The following DCLK2 variants were observed in gnomAD, a reference collection of about 807,000 sequenced individuals.
DCLK2 encodes the protein serine/threonine-protein kinase DCLK2.
In DCLK2, 31 loss-of-function variants were observed where a neutral mutation model predicts 78.4. That is an observed-to-expected ratio of 0.40 (90% confidence interval 0.30 to 0.53). The LOEUF (loss-of-function observed/expected upper bound fraction) is 0.53, where lower values mean the gene tolerates loss of function less well. Among genes scored for constraint, DCLK2 ranks in the 20% least tolerant of loss-of-function variants. DCLK2 has a pLI of 0.61. For missense variants in DCLK2, 872 were observed against 973.7 expected, an observed-to-expected ratio of 0.90 and a Z score of 1.39; for synonymous variants, 407 against 374.9, an observed-to-expected ratio of 1.09 and a Z score of -0.99.
At chr4:150,222,006 A>T (rs1218940900) in intron 7 of DCLK2, among the ~76,000 whole-genome samples, 4 of 148,008 alleles carry the variant, frequency 2.7e-5, no homozygotes, top group African/African-American at 7.6e-5. Context: ...ATTTATTTAA[A>T]AAAAAGGCAG....
intron 15 of DCLK2, chr4:150,253,132 C>A: frequency 2.2e-6 from 1 of 454,810 alleles, no homozygotes; most frequent in Non-Finnish European, 4.5e-6. Context: ...TCATCCTCCT[C>A]ACGTCACTGT....
intron 2 of DCLK2, among the ~76,000 whole-genome samples, chr4:150,105,399 ATGT>A (rs543729484): frequency 9.2e-5 from 14 of 151,552 alleles, no homozygotes; most frequent in Admixed American, 2.0e-4. Context: ...ACATTAAAAA[ATGT>A]TGTTTCACAA....
intron 5 of DCLK2, among the ~76,000 whole-genome samples, chr4:150,216,040 A>G (rs539616847): frequency 3.3e-5 from 5 of 152,364 alleles, no homozygotes; most frequent in East Asian, 3.9e-4. Flanking sequence ...ACTCAAGTCA[A>G]CAATAATATG....
intron 5 of DCLK2, among the ~76,000 whole-genome samples, chr4:150,216,924 A>T (rs1216744986): frequency 1.3e-5 from 2 of 152,028 alleles, no homozygotes; most frequent in Admixed American, 6.6e-5. Context: ...ATCCTGAAAA[A>T]CCGTAAATGC....
intron 2 of DCLK2, among the ~76,000 whole-genome samples, chr4:150,162,001 TC>T (rs1458234659): frequency 1.3e-5 from 2 of 152,146 alleles, no homozygotes; most frequent in African/African-American, 4.8e-5. Flanking sequence ...GTGACTTTCT[TC>T]ATGTCACCAC....
intron 2 of DCLK2, among the ~76,000 whole-genome samples, chr4:150,185,830 G>A (rs572402145): frequency 3.9e-5 from 6 of 152,076 alleles, no homozygotes; most frequent in African/African-American, 9.7e-5. Flanking sequence ...AAGCTGTTAC[G>A]AGCTAGCACT....
At chr4:150,128,115 T>C (rs1015169958) in intron 2 of DCLK2, among the ~76,000 whole-genome samples, 1 of 152,154 alleles carries the variant, frequency 6.6e-6, no homozygotes, top group East Asian at 1.9e-4. Context: ...ATGTTATGAC[T>C]GGCGTAGGGT....
intron 2 of DCLK2, among the ~76,000 whole-genome samples, chr4:150,165,913 T>A (rs1469640601): frequency 6.6e-6 from 1 of 152,078 alleles, no homozygotes; most frequent in Non-Finnish European, 1.5e-5. Flanking sequence ...TGAGAGTGAG[T>A]TGTTATAAAG....
At chr4:150,175,192 T>TATATATATTTATATATATGTATA (rs1560835585) in intron 2 of DCLK2, among the ~76,000 whole-genome samples, 1 of 79,204 alleles carries the variant, frequency 1.3e-5, no homozygotes, top group Non-Finnish European at 2.5e-5. Flanking sequence ...ATTTATAATT[T>TATATATATTTATATATATGTATA]ATCTATATAT....
At chr4:150,153,552 C>T (rs1735041971) in intron 2 of DCLK2, among the ~76,000 whole-genome samples, 1 of 136,006 alleles carries the variant, frequency 7.4e-6, no homozygotes, top group African/African-American at 2.7e-5. Context: ...GAACTACATG[C>T]ATGTGCCACC....
At chr4:150,175,885 C>G (rs532411218) in intron 2 of DCLK2, among the ~76,000 whole-genome samples, 1 of 152,148 alleles carries the variant, frequency 6.6e-6, no homozygotes, top group African/African-American at 2.4e-5. Context: ...TCCTTCCTAA[C>G]TCTTGGCCTA....
chr4:150,219,669 A>G (rs1308863514), intron 5 of DCLK2, among the ~76,000 whole-genome samples: 1 of 152,264 alleles, frequency 6.6e-6, no homozygotes. Flanking sequence ...GTGATTTTAC[A>G]GGGATAAGCT....
chr4:150,243,498 A>T (rs1743074703), intron 12 of DCLK2, among the ~76,000 whole-genome samples: 1 of 152,200 alleles, frequency 6.6e-6, no homozygotes, highest in Non-Finnish European at 1.5e-5. Context: ...TACGGTAAAT[A>T]AGTTTGGTAT....
rs1227235320 is a variant in DCLK2 at position 150,078,706 on chromosome 4, C to A, written c.-322C>A. 9.5e-6 allele frequency: 2 copies of A among 209,856 alleles called. No homozygotes were observed. Among genetic ancestry groups the A allele is most frequent in the East Asian group, 2.0e-4 (2 of 10,008 alleles). The allele number at this position is 209,856 out of a possible 1,614,324, so 13.0% of individuals were successfully genotyped here. On this transcript the variant is annotated 5_prime_UTR_variant, in exon 1 of 16. Transcript: ENST00000296550. ...GCCCAACTTTGCCTCTCCCGGTCGG[C>A]TCCCGAGCGGGACTTGTGAGGCGTG...
intron 2 of DCLK2, among the ~76,000 whole-genome samples, chr4:150,125,899 A>C (rs72965546): frequency 0.26 from 39,137 of 151,834 alleles, 5,520 homozygotes; most frequent in African/African-American, 0.38. Flanking sequence ...TCAAAAAAAA[A>C]CCACAAAAAA....
intron 3 of DCLK2, among the ~76,000 whole-genome samples, chr4:150,197,570 A>G (rs186079981): frequency 6.6e-6 from 1 of 152,282 alleles, no homozygotes; most frequent in Admixed American, 6.5e-5. Context: ...CCTGGCCAAC[A>G]TAGTGAAACC....
At position 150,241,654 on chromosome 4, in the gene DCLK2, G is replaced by A. The variant is rs922501144; in HGVS notation, c.1778+1178G>A. On this transcript the variant is annotated intron_variant, in intron 12 of 15. Transcript: ENST00000296550. ...TAGCCATAACAAAATATCATATACA[G>A]TGTGGCTTATAAACACCAGAAAATT... Among the ~76,000 whole-genome samples, 8 of 152,322 alleles carry A rather than the reference G, an allele frequency of 5.3e-5. No homozygotes were observed. The East Asian group carries it at 1.5e-3, about 29-fold the overall frequency.
rs1560804397 is a variant in DCLK2 at position 150,139,007 on chromosome 4, G to A, written c.756+36195G>A. 2.0e-5 allele frequency among the ~76,000 whole-genome samples: 3 copies of A among 150,842 alleles called. No homozygotes were observed. In the South Asian group the frequency reaches 6.3e-4, roughly 32 times the overall value. The stretch of plus-strand genomic sequence containing the variant: ...GTTTTTAAATTTAAAAAAAAAAAAG[G>A]TTTTCCCTGTAAGAAAGAAAATAAT... On this transcript the variant is annotated intron_variant, in intron 2 of 15. Coordinates refer to ENST00000296550, the MANE Select transcript of DCLK2 (RefSeq NM_001040260.4).
At chr4:150,194,883 G>C (rs1051589427) in intron 3 of DCLK2, among the ~76,000 whole-genome samples, 1 of 151,642 alleles carries the variant, frequency 6.6e-6, no homozygotes, top group African/African-American at 2.4e-5. Context: ...AAACTTCCTT[G>C]TGTCATTACT....
Sources: gnomAD v4.1 joint callset for allele counts (sites outside exome capture counted in the v4.1 genomes callset) on GRCh38, gnomAD v4.1.1 for gene constraint, MANE v1.5 for transcripts, NCBI Gene and HGNC (gene_info 2026-07-23, HGNC 2026-07-21) for gene names.